TTLL7: variants seen among roughly 807,000 people sequenced by gnomAD.
TTLL7 encodes tubulin tyrosine ligase like 7.
A neutral mutation model predicts 120.2 loss-of-function variants in TTLL7; 53 were observed. That is an observed-to-expected ratio of 0.44 (90% confidence interval 0.35 to 0.55). The LOEUF is 0.55. Ranked by LOEUF, TTLL7 falls within the 20% of genes least tolerant of loss-of-function variation. The pLI is 0.00. For synonymous variants in TTLL7, 353 were observed against 351.7 expected, an observed-to-expected ratio of 1.00 and a Z score of -0.04; for missense variants, 803 against 1,054.7, an observed-to-expected ratio of 0.76 and a Z score of 3.31.
intron 14 of TTLL7, among the ~76,000 whole-genome samples, chr1:83,914,093 C>T (rs931903111): frequency 6.6e-6 from 1 of 152,130 alleles, no homozygotes; most frequent in East Asian, 1.9e-4. Context: ...TTCTACAATG[C>T]CTCAATATAG....
At chr1:83,924,182 G>A (rs1176969913) in intron 10 of TTLL7, among the ~76,000 whole-genome samples, 3 of 152,154 alleles carry the variant, frequency 2.0e-5, no homozygotes, top group Non-Finnish European at 4.4e-5. Flanking sequence ...GGAAGTGGGA[G>A]CAATGGCATA....
Position 83,906,033 on chromosome 1 carries a change from G to T in TTLL7, c.2127+296C>A, listed in dbSNP as rs374776075. Among the ~76,000 whole-genome samples the T allele has an allele frequency of 4.3e-4, 66 of 152,008 alleles. 1 individual carries two copies. In the South Asian group the frequency reaches 0.013, roughly 30 times the overall value. On this transcript the variant is annotated intron_variant, in intron 17 of 20. Coordinates refer to ENST00000260505, the MANE Select transcript of TTLL7 (RefSeq NM_024686.6). The stretch of plus-strand genomic sequence containing the variant: ...AACATGATATTTGATTAATCATTAA[G>T]AACAATAATTATTTAACACTAATTA...
At chr1:83,960,090 T>C (rs1440353303) in intron 1 of TTLL7, among the ~76,000 whole-genome samples, 1 of 152,142 alleles carries the variant, frequency 6.6e-6, no homozygotes, top group East Asian at 1.9e-4. Flanking sequence ...AAATACGCAA[T>C]TATCATGGTT....
In TTLL7 at chr1:83,866,793, G is replaced by A. The variant is rs1277878167; in HGVS notation, c.*3169C>T. On this transcript the variant is annotated 3_prime_UTR_variant, in exon 21 of 21. Transcript: ENST00000260505. ...ATTAATCAAAATATGAATAACAATA[G>A]TTTCTTCAATAGATTATATAGAGCA... 6 of 151,888 alleles carry A rather than the reference G, an allele frequency of 4.0e-5. No homozygotes were observed. The highest frequency in any genetic ancestry group is 1.4e-4 in the African/African-American group (6 of 41,422). The allele number at this position is 151,888 out of a possible 1,614,324, so 9.4% of individuals were successfully genotyped here. A position where few individuals can be genotyped will look rare whatever the true frequency, so the allele number is the denominator to read the frequency against.
chr1:83,983,285 C>A (rs1652145325), intron 1 of TTLL7, among the ~76,000 whole-genome samples: 1 of 152,080 alleles, frequency 6.6e-6, no homozygotes, highest in South Asian at 2.1e-4. Context: ...GAGCCGAGAT[C>A]ACGCCACTGC....
At chr1:83,947,353 T>C in intron 5 of TTLL7, 71 bp from the exon 6 acceptor site, 2 of 1,353,672 alleles carry the variant, frequency 1.5e-6, no homozygotes, top group Non-Finnish European at 2.0e-6. Flanking sequence ...TCTGGGCTAC[T>C]GATATTTGCC....
intron 1 of TTLL7, among the ~76,000 whole-genome samples, chr1:83,964,611 G>A (rs1050919453): frequency 6.6e-5 from 10 of 152,098 alleles, no homozygotes; most frequent in African/African-American, 2.2e-4. Flanking sequence ...TGGCTTCAAC[G>A]TATACATTTT....
chr1:83,957,137 A>C (rs1649601277), intron 1 of TTLL7, among the ~76,000 whole-genome samples: 1 of 152,184 alleles, frequency 6.6e-6, no homozygotes, highest in Non-Finnish European at 1.5e-5. Context: ...TGCAAAAGTA[A>C]AAGATTTATT....
chr1:83,884,620 T>G (rs1424392116), intron 19 of TTLL7, among the ~76,000 whole-genome samples: 1 of 150,858 alleles, frequency 6.6e-6, no homozygotes, highest in Non-Finnish European at 1.5e-5. Flanking sequence ...TTTAAAATAC[T>G]GGTGTTTTTT....
intron 9 of TTLL7, among the ~76,000 whole-genome samples, chr1:83,930,551 G>T (rs1444671524): frequency 1.3e-5 from 2 of 152,154 alleles, no homozygotes; most frequent in Non-Finnish European, 1.5e-5. Flanking sequence ...ATTTCCCTTT[G>T]CAAGTGCAAA....
intron 1 of TTLL7, chr1:83,980,453 G>A (rs969202614): frequency 6.6e-6 from 1 of 152,176 alleles, no homozygotes; most frequent in South Asian, 2.1e-4. Context: ...TTTTTCTGTA[G>A]AAACAGGATC....
In TTLL7 at chr1:83,870,035, TA is replaced by T; in HGVS notation, c.2590del (p.Tyr864ThrfsTer3). On this transcript the variant is annotated frameshift_variant, in exon 21 of 21. Transcript: ENST00000260505. LOFTEE classifies it high-confidence loss of function. ...STQFFLRTPT[Y>X]NLKYNSPGMT... ...TCCAGGTGAATTGTACTTCAAGTTG[TA>T]GGTTGGTGTTCTCAAGAAGAATTGG... 4 of 1,586,690 alleles carry T rather than the reference TA, an allele frequency of 2.5e-6. No homozygotes were observed. The highest frequency in any genetic ancestry group is 3.4e-6 in the Non-Finnish European group (4 of 1,170,290).
At chr1:83,913,159 C>T (rs998030247) in intron 14 of TTLL7, 4 of 152,116 alleles carry the variant, frequency 2.6e-5, no homozygotes, top group Non-Finnish European at 5.9e-5. Flanking sequence ...GCAACATAAA[C>T]TCTAAATAGT....
At chr1:83,956,308 A>C (rs1649507819) in intron 1 of TTLL7, among the ~76,000 whole-genome samples, 1 of 150,948 alleles carries the variant, frequency 6.6e-6, no homozygotes, top group African/African-American at 2.4e-5. Context: ...TTATTATTTT[A>C]GAGATGGGGT....
chr1:83,967,538 A>T (rs975425239), intron 1 of TTLL7, among the ~76,000 whole-genome samples: 5 of 152,094 alleles, frequency 3.3e-5, no homozygotes, highest in Non-Finnish European at 5.9e-5. Context: ...TAGGGGATGC[A>T]GTGACTGACT....
intron 10 of TTLL7, among the ~76,000 whole-genome samples, chr1:83,926,214 C>T (rs1659105828): frequency 6.6e-6 from 1 of 151,428 alleles, no homozygotes; most frequent in South Asian, 2.1e-4. Flanking sequence ...AAATAATAAA[C>T]CCAGGAGGAA....
chr1:83,898,878 CTAAG>C (rs1204477168), intron 18 of TTLL7, among the ~76,000 whole-genome samples: 3 of 151,656 alleles, frequency 2.0e-5, no homozygotes, highest in Non-Finnish European at 4.4e-5. Context: ...ATGCTACTTA[CTAAG>C]TAGAAAAAAT....
intron 17 of TTLL7, among the ~76,000 whole-genome samples, chr1:83,906,001 C>T (rs1394712136): frequency 2.6e-5 from 4 of 151,970 alleles, no homozygotes; most frequent in African/African-American, 4.8e-5. Flanking sequence ...TTTATAGAAG[C>T]AGGTTTAACA....
chr1:83,956,502 A>G (rs1395209370), intron 1 of TTLL7, among the ~76,000 whole-genome samples: 3 of 147,988 alleles, frequency 2.0e-5, no homozygotes, highest in Non-Finnish European at 4.4e-5. Context: ...ATCTTGGCTC[A>G]CTGCAACCTC....
Sources: allele counts gnomAD v4.1 joint callset (sites outside exome capture counted in the v4.1 genomes callset), GRCh38; gene constraint gnomAD v4.1.1; transcripts MANE v1.5; gene names NCBI Gene and HGNC (gene_info 2026-07-23, HGNC 2026-07-21).